Variants in TENM4 observed in about 807,000 individuals in gnomAD.
TENM4 encodes the protein teneurin-4.
A neutral mutation model predicts 243.3 loss-of-function variants in TENM4; 82 were observed. The observed-to-expected ratio is 0.34, with a 90% CI of 0.28 to 0.40. The LOEUF (loss-of-function observed/expected upper bound fraction) is 0.40. Ranked by LOEUF, TENM4 falls within the 10% of genes least tolerant of loss-of-function variation. The pLI, the probability that TENM4 is intolerant of heterozygous loss-of-function variation, is 1.00. For missense variants in TENM4, 3,138 were observed against 3,673.3 expected, an observed-to-expected ratio of 0.85 and a Z score of 3.77; for synonymous variants, 1,412 against 1,456.3, an observed-to-expected ratio of 0.97 and a Z score of 0.69.
intron 2 of TENM4, among the ~76,000 whole-genome samples, chr11:79,260,767 A>G (rs1855782358): frequency 6.6e-6 from 1 of 152,170 alleles, no homozygotes. Context: ...ATTACTGCCA[A>G]AAGGGCCCTC....
intron 7 of TENM4, among the ~76,000 whole-genome samples, chr11:78,902,993 G>A (rs1855965798): frequency 1.3e-5 from 2 of 151,576 alleles, no homozygotes; most frequent in South Asian, 4.2e-4. Flanking sequence ...GTGTAGATAA[G>A]GGAAGAGAGG....
chr11:78,900,153 C>A (rs1855896846), intron 7 of TENM4, among the ~76,000 whole-genome samples: 1 of 152,226 alleles, frequency 6.6e-6, no homozygotes. Flanking sequence ...TTGACTCACA[C>A]TGTGAAGTGT....
chr11:79,214,052 C>T (rs1864001609), intron 3 of TENM4, among the ~76,000 whole-genome samples: 1 of 151,324 alleles, frequency 6.6e-6, no homozygotes, highest in South Asian at 2.1e-4. Context: ...AGTGCAGTGG[C>T]ACAATTTTGG....
chr11:79,431,300 T>C (rs1859164154), intron 1 of TENM4, among the ~76,000 whole-genome samples: 1 of 152,224 alleles, frequency 6.6e-6, no homozygotes, highest in African/African-American at 2.4e-5. Flanking sequence ...TTCAAAACAA[T>C]ACGTAATCTT....
At chr11:79,194,023 G>A (rs1006304348) in intron 3 of TENM4, among the ~76,000 whole-genome samples, 2 of 152,074 alleles carry the variant, frequency 1.3e-5, no homozygotes, top group Admixed American at 6.5e-5. Flanking sequence ...GACTCAGGGG[G>A]AGGTAATTGA....
At chr11:79,384,302 T>A (rs979507764) in intron 1 of TENM4, among the ~76,000 whole-genome samples, 2 of 152,226 alleles carry the variant, frequency 1.3e-5, no homozygotes, top group Non-Finnish European at 2.9e-5. Context: ...TGTGCAGGCA[T>A]GCTTCTTGTT....
At chr11:79,331,508 C>T (rs1857061655) in intron 1 of TENM4, among the ~76,000 whole-genome samples, 1 of 152,190 alleles carries the variant, frequency 6.6e-6, no homozygotes, top group African/African-American at 2.4e-5. Flanking sequence ...GCGCCAACCA[C>T]AGTGACCATG....
chr11:78,883,083 C>T (rs55902110), intron 9 of TENM4, among the ~76,000 whole-genome samples: 16,287 of 152,232 alleles, frequency 0.11, 1,097 homozygotes, highest in African/African-American at 0.2. Context: ...AAGGACCTTA[C>T]AGGACAATCC....
intron 19 of TENM4, among the ~76,000 whole-genome samples, chr11:78,754,894 C>A (rs1051522941): frequency 3.9e-5 from 6 of 152,214 alleles, no homozygotes; most frequent in Admixed American, 3.9e-4. Context: ...AATTCTGCCA[C>A]GCACTTGCTG....
intron 3 of TENM4, among the ~76,000 whole-genome samples, chr11:79,207,378 T>C (rs1403406181): frequency 1.3e-5 from 2 of 152,226 alleles, no homozygotes; most frequent in Non-Finnish European, 2.9e-5. Flanking sequence ...TTTATGTGTA[T>C]TATCTTATTT....
intron 6 of TENM4, among the ~76,000 whole-genome samples, chr11:79,001,412 T>G (rs7935727): frequency 0.51 from 77,644 of 151,888 alleles, 23,127 homozygotes; most frequent in African/African-American, 0.84. Context: ...TGGGGAAGGG[T>G]TGGGTTGAAC....
At position 79,101,548 on chromosome 11, in the gene TENM4, T is replaced by C. The variant is rs374362148; in HGVS notation, c.-65-31539A>G. ...GATAGAAGCAGAATTAAGAAACCGT[T>C]GCGTCCTGGAGGGCTGAGTAATCCT... On this transcript the variant is annotated intron_variant, in intron 4 of 33. Transcript: ENST00000278550. Among the ~76,000 whole-genome samples, 327 of 152,330 alleles carry C rather than the reference T, an allele frequency of 2.1e-3. 17 individuals carry two copies. The South Asian group carries it at 0.064, about 30-fold the overall frequency.
At chr11:78,687,680 A>G (rs1204480182) in intron 29 of TENM4, among the ~76,000 whole-genome samples, 1 of 152,148 alleles carries the variant, frequency 6.6e-6, no homozygotes, top group Non-Finnish European at 1.5e-5. Context: ...CTTCTCCATA[A>G]TCAAATCCCT....
rs1223208833 is a variant in TENM4, at chr11:79,438,235, T to A, written c.-321+2274A>T. ...ACGGCTGTGTCAGGGCTGGGGTGGC[T>A]TATCCCCCTACAGACGAAAATCAAG... On this transcript the variant is annotated intron_variant, in intron 1 of 33. Transcript: ENST00000278550. The surrounding 1 kb of genome is among the most constrained non-coding windows in gnomAD (Gnocchi z 4.1). 2.0e-5 allele frequency among the ~76,000 whole-genome samples: 3 copies of A among 152,120 alleles called. No individual in the cohort carries two copies. The highest frequency in any genetic ancestry group is 2.9e-5 in the Non-Finnish European group (2 of 68,014).
At chr11:78,695,701 T>C (rs755205212) in intron 28 of TENM4, among the ~76,000 whole-genome samples, 1 of 151,994 alleles carries the variant, frequency 6.6e-6, no homozygotes, top group Non-Finnish European at 1.5e-5. Context: ...TCAGCACTTC[T>C]GTCTTCTGGC....
chr11:78,694,124 C>T (rs1190266015), intron 28 of TENM4, among the ~76,000 whole-genome samples: 1 of 152,232 alleles, frequency 6.6e-6, no homozygotes, highest in African/African-American at 2.4e-5. Context: ...AATACTTCAT[C>T]TCGAGCCACT....
chr11:79,152,892 C>T (rs1247167423), intron 3 of TENM4, among the ~76,000 whole-genome samples: 3 of 152,238 alleles, frequency 2.0e-5, no homozygotes, highest in Non-Finnish European at 4.4e-5. Context: ...ATCAAGAGGA[C>T]AGAAGAGCTG....
At chr11:78,674,566 C>T (rs1298348981) in intron 30 of TENM4, among the ~76,000 whole-genome samples, 2 of 152,206 alleles carry the variant, frequency 1.3e-5, no homozygotes. Flanking sequence ...CTCAGAGGAG[C>T]TGCTCAAGGC....
chr11:78,819,394 G>A (rs1383558620), intron 12 of TENM4, among the ~76,000 whole-genome samples: 12 of 152,174 alleles, frequency 7.9e-5, no homozygotes, highest in Admixed American at 7.9e-4. Context: ...AAATCCTGAA[G>A]CCTCATTTTG....
Sources: gnomAD v4.1 joint callset for allele counts (sites outside exome capture counted in the v4.1 genomes callset) on GRCh38, gnomAD v4.1.1 for gene constraint, Gnocchi (gnomAD v3.1) non-coding constraint, MANE v1.5 for transcripts, NCBI Gene and HGNC (gene_info 2026-07-23, HGNC 2026-07-21) for gene names.